Variants in ZBTB8A observed in about 807,000 individuals in gnomAD.
ZBTB8A encodes zinc finger and BTB domain-containing protein 8A.
A neutral mutation model predicts 37.8 loss-of-function variants in ZBTB8A; 19 were observed. The observed-to-expected ratio is 0.50, with a 90% confidence interval of 0.35 to 0.74. The LOEUF (loss-of-function observed/expected upper bound fraction) is 0.74, where lower values mean the gene tolerates loss of function less well. Ranked by LOEUF, ZBTB8A falls within the 30% of genes least tolerant of loss-of-function variation. The pLI, the probability that ZBTB8A is intolerant of heterozygous loss-of-function variation, is 0.01. For missense variants in ZBTB8A, 394 were observed against 537.8 expected, an observed-to-expected ratio of 0.73 and a Z score of 2.65; for synonymous variants, 181 against 185.2, an observed-to-expected ratio of 0.98 and a Z score of 0.19.
chr1:32,545,970 ACTCT>A (rs370499025), intron 1 of ZBTB8A, among the ~76,000 whole-genome samples: 3 of 150,946 alleles, frequency 2.0e-5, no homozygotes, highest in Non-Finnish European at 3.0e-5. Context: ...CTCTTCTCTG[ACTCT>A]CTCTCTCTCC....
At chr1:32,598,544 G>GT (rs1410374268) in intron 4 of ZBTB8A, among the ~76,000 whole-genome samples, 2 of 151,980 alleles carry the variant, frequency 1.3e-5, no homozygotes, top group Non-Finnish European at 2.9e-5. Context: ...GCTTCTTGGA[G>GT]TTTTTTACTG....
intron 2 of ZBTB8A, among the ~76,000 whole-genome samples, chr1:32,560,524 G>A (rs1230110159): frequency 7.0e-6 from 1 of 142,890 alleles, no homozygotes; most frequent in Non-Finnish European, 1.5e-5. Flanking sequence ...TTTTGTTGTT[G>A]TTGTTGTTAT....
chr1:32,577,493 A>G (rs182089551), intron 2 of ZBTB8A, among the ~76,000 whole-genome samples: 18 of 138,338 alleles, frequency 1.3e-4, no homozygotes, highest in Admixed American at 5.2e-4. Context: ...GATAATTTCC[A>G]CTTCATGTCT....
At chr1:32,565,340 AG>A (rs1644270394) in intron 2 of ZBTB8A, among the ~76,000 whole-genome samples, 2 of 151,844 alleles carry the variant, frequency 1.3e-5, no homozygotes, top group Admixed American at 1.3e-4. Flanking sequence ...CCCCAAAAAA[AG>A]AAAAGAAAAA....
intron 1 of ZBTB8A, among the ~76,000 whole-genome samples, chr1:32,544,031 G>A (rs1003839665): frequency 3.9e-5 from 6 of 152,136 alleles, no homozygotes; most frequent in South Asian, 2.1e-4. Flanking sequence ...TTGTGGTGGC[G>A]TAATCCTGGC....
At chr1:32,576,957 C>T (rs1367910325) in intron 2 of ZBTB8A, among the ~76,000 whole-genome samples, 3 of 146,716 alleles carry the variant, frequency 2.0e-5, no homozygotes, top group Non-Finnish European at 4.5e-5. Flanking sequence ...ACTGCAACCT[C>T]CGCCTTCCAG....
intron 2 of ZBTB8A, among the ~76,000 whole-genome samples, chr1:32,567,814 A>AC (rs796332471): frequency 6.6e-5 from 2 of 30,498 alleles, no homozygotes; most frequent in South Asian, 1.5e-3. Flanking sequence ...AAAAAAAAAA[A>AC]AAAAAAAAAC....
chr1:32,542,005 T>G (rs577977393), intron 1 of ZBTB8A, among the ~76,000 whole-genome samples: 1 of 152,346 alleles, frequency 6.6e-6, no homozygotes, highest in South Asian at 2.1e-4. Context: ...AAATGCATTT[T>G]AAACTTACAA....
At chr1:32,586,025 G>A (rs1644446022) in intron 2 of ZBTB8A, among the ~76,000 whole-genome samples, 1 of 142,718 alleles carries the variant, frequency 7.0e-6, no homozygotes, top group African/African-American at 2.6e-5. Flanking sequence ...CAAAAAAAAA[G>A]AACGATTTCT....
intron 2 of ZBTB8A, among the ~76,000 whole-genome samples, chr1:32,566,380 C>T (rs570333506): frequency 3.3e-5 from 5 of 151,874 alleles, no homozygotes; most frequent in African/African-American, 1.2e-4. Flanking sequence ...AAAAAATTAG[C>T]TGGGCATGGT....
At position 32,600,296 on chromosome 1, in the gene ZBTB8A, G is replaced by A. The variant is rs1265639423; in HGVS notation, c.1203G>A (p.Leu401=). 1.2e-6 allele frequency: 2 copies of A among 1,614,168 alleles called. No homozygotes were observed. The highest frequency in any genetic ancestry group is 4.5e-5 in the East Asian group (2 of 44,888). ...GAGATAAGGATTCCAGATGGCACTT[G>A]AGTGAAGATGAGAATAGATCCTATG... ...SDGDKDSRWH[L]SEDENRSYVE... is the part of the protein sequence containing the mutation. The change falls in exon 5 of 5, where the codon TTG becomes TTA. Residue 401 remains leucine (L), a synonymous_variant. Transcript: ENST00000373510.
At chr1:32,567,287 A>T (rs1427265590) in intron 2 of ZBTB8A, among the ~76,000 whole-genome samples, 1 of 152,086 alleles carries the variant, frequency 6.6e-6, no homozygotes, top group East Asian at 1.9e-4. Flanking sequence ...GCAAGAGGGA[A>T]ATCCGCCCGC....
At chr1:32,549,798 ATAGT>A (rs963076709) in intron 1 of ZBTB8A, among the ~76,000 whole-genome samples, 2 of 152,192 alleles carry the variant, frequency 1.3e-5, no homozygotes, top group African/African-American at 4.8e-5. Flanking sequence ...CTCCTACCAA[ATAGT>A]GACTCCTGTC....
chr1:32,578,231 ATT>A (rs561875455), intron 2 of ZBTB8A, among the ~76,000 whole-genome samples: 13 of 135,006 alleles, frequency 9.6e-5, no homozygotes, highest in Admixed American at 1.5e-4. Flanking sequence ...CTCCTGGCTA[ATT>A]TTTTTTTTTT....
intron 2 of ZBTB8A, among the ~76,000 whole-genome samples, chr1:32,591,514 G>A (rs533003884): frequency 6.6e-6 from 1 of 151,630 alleles, no homozygotes; most frequent in East Asian, 2.0e-4. Flanking sequence ...CTACCACCCT[G>A]GGCTGGAGTC....
intron 2 of ZBTB8A, among the ~76,000 whole-genome samples, chr1:32,577,034 A>G (rs1361346670): frequency 6.8e-6 from 1 of 146,790 alleles, no homozygotes; most frequent in East Asian, 2.1e-4. Flanking sequence ...CATGACACCA[A>G]GCTAATTTTT....
intron 2 of ZBTB8A, among the ~76,000 whole-genome samples, chr1:32,560,615 C>CTTTTTTTTTTT (rs1170510859): frequency 4.6e-4 from 42 of 90,792 alleles, no homozygotes; most frequent in East Asian, 1.1e-3. Context: ...TCTTTTCTTT[C>CTTTTTTTTTTT]TTTTTTTTTT....
chr1:32,544,528 C>T (rs1172248759), intron 1 of ZBTB8A, among the ~76,000 whole-genome samples: 1 of 152,226 alleles, frequency 6.6e-6, no homozygotes, highest in African/African-American at 2.4e-5. Flanking sequence ...AAAACCCCGT[C>T]TCCACTAAAA....
chr1:32,543,867 A>AG (rs1644079341), intron 1 of ZBTB8A, among the ~76,000 whole-genome samples: 1 of 151,922 alleles, frequency 6.6e-6, no homozygotes, highest in Non-Finnish European at 1.5e-5. Flanking sequence ...TAGTAGAGAC[A>AG]GGGTTTCACC....
Sources: allele counts gnomAD v4.1 joint callset (sites outside exome capture counted in the v4.1 genomes callset), GRCh38; gene constraint gnomAD v4.1.1; transcripts MANE v1.5; gene names NCBI Gene and HGNC (gene_info 2026-07-23, HGNC 2026-07-21).